The following CDK19 variants were observed in gnomAD, a reference collection of about 807,000 sequenced individuals.
CDK19 encodes the protein cyclin dependent kinase 19, also known as cyclin-dependent kinase 19.
A neutral mutation model predicts 68.3 loss-of-function variants in CDK19; 20 were observed. The observed-to-expected ratio is 0.29, with a 90% CI of 0.21 to 0.43. CDK19 has a LOEUF of 0.43. CDK19 is among the 20% of genes least tolerant of loss of function. CDK19 has a pLI of 1.00. For missense variants in CDK19, 339 were observed against 623.5 expected (o/e 0.54, Z 4.86); for synonymous variants, 221 against 222.8 (o/e 0.99, Z 0.07).
At chr6:110,811,869 C>T (rs911772982) in intron 1 of CDK19, among the ~76,000 whole-genome samples, 3 of 149,234 alleles carry the variant, frequency 2.0e-5, no homozygotes, top group African/African-American at 7.6e-5. Flanking sequence ...AAAAGAACAA[C>T]TTTTAAACCG....
chr6:110,699,053 CAA>C (rs564638902), intron 2 of CDK19, among the ~76,000 whole-genome samples: 18 of 108,750 alleles, frequency 1.7e-4, no homozygotes, highest in Admixed American at 4.3e-4. Flanking sequence ...GACCCTGTCT[CAA>C]AAAAAAAAAA....
At chr6:110,750,433 A>C (rs909825392) in intron 1 of CDK19, among the ~76,000 whole-genome samples, 11 of 152,164 alleles carry the variant, frequency 7.2e-5, no homozygotes, top group African/African-American at 2.7e-4. Flanking sequence ...CACCTGTGAT[A>C]GTCATTTTAA....
intron 4 of CDK19, among the ~76,000 whole-genome samples, chr6:110,662,062 C>T (rs1781651680): frequency 6.6e-6 from 1 of 152,094 alleles, no homozygotes; most frequent in Non-Finnish European, 1.5e-5. Flanking sequence ...CTCTGCCTCC[C>T]AGGTTCAAGC....
chr6:110,749,140 T>C (rs557243668), intron 1 of CDK19, among the ~76,000 whole-genome samples: 13 of 152,304 alleles, frequency 8.5e-5, no homozygotes, highest in African/African-American at 3.1e-4. Context: ...ACTAAATGCA[T>C]CCAGAAGAAT....
chr6:110,792,279 T>C (rs1265526244), intron 1 of CDK19, among the ~76,000 whole-genome samples: 1 of 152,120 alleles, frequency 6.6e-6, no homozygotes, highest in East Asian at 1.9e-4. Context: ...CTTTATTTAT[T>C]TTTTTAATTT....
intron 1 of CDK19, among the ~76,000 whole-genome samples, chr6:110,759,605 T>C (rs1181260494): frequency 1.3e-5 from 2 of 150,852 alleles, no homozygotes; most frequent in South Asian, 4.2e-4. Flanking sequence ...CTGGGCATTA[T>C]AGCAAAACCC....
chr6:110,803,266 A>G (rs1236482848), intron 1 of CDK19, among the ~76,000 whole-genome samples: 1 of 152,136 alleles, frequency 6.6e-6, no homozygotes, highest in Non-Finnish European at 1.5e-5. Context: ...TTTTTAGTAG[A>G]GACGGGGTTT....
chr6:110,686,489 C>T (rs1209877375), intron 2 of CDK19, among the ~76,000 whole-genome samples: 1 of 152,124 alleles, frequency 6.6e-6, no homozygotes, highest in Non-Finnish European at 1.5e-5. Flanking sequence ...GGCAGATTTC[C>T]ATCACTACAT....
chr6:110,651,850 G>C (rs1048544558), intron 4 of CDK19, among the ~76,000 whole-genome samples: 1 of 152,100 alleles, frequency 6.6e-6, no homozygotes, highest in Admixed American at 6.6e-5. Context: ...TTTAACTACA[G>C]TTTTAGTTTA....
At chr6:110,657,532 T>C (rs1781377987) in intron 4 of CDK19, among the ~76,000 whole-genome samples, 1 of 152,146 alleles carries the variant, frequency 6.6e-6, no homozygotes, top group South Asian at 2.1e-4. Context: ...TCCACCTCAA[T>C]AAAATTAATT....
At chr6:110,722,679 A>G (rs1272240022) in intron 2 of CDK19, among the ~76,000 whole-genome samples, 1 of 152,122 alleles carries the variant, frequency 6.6e-6, no homozygotes, top group Non-Finnish European at 1.5e-5. Flanking sequence ...AAGAATTCCT[A>G]GCCTAGGCAA....
At chr6:110,773,422 A>G (rs1780180918) in intron 1 of CDK19, among the ~76,000 whole-genome samples, 1 of 152,118 alleles carries the variant, frequency 6.6e-6, no homozygotes. Context: ...AATGGGACCT[A>G]TAGCATGAAT....
At chr6:110,758,141 T>C (rs1478009837) in intron 1 of CDK19, among the ~76,000 whole-genome samples, 1 of 152,084 alleles carries the variant, frequency 6.6e-6, no homozygotes, top group Non-Finnish European at 1.5e-5. Context: ...CAGTGAGTCA[T>C]GTTTGCGCTA....
intron 2 of CDK19, among the ~76,000 whole-genome samples, chr6:110,717,352 C>G (rs1433842127): frequency 6.6e-6 from 1 of 151,012 alleles, no homozygotes; most frequent in African/African-American, 2.4e-5. Flanking sequence ...TGGAATAAAG[C>G]AGACAATCAG....
chr6:110,734,364 C>G (rs1777014831), intron 2 of CDK19, among the ~76,000 whole-genome samples: 1 of 152,048 alleles, frequency 6.6e-6, no homozygotes, highest in Admixed American at 6.6e-5. Flanking sequence ...GAGGGTAACC[C>G]TAGTTGCAGC....
rs139851225 is a variant in CDK19 at position 110,686,253 on chromosome 6, T to C, written c.205-15712A>G. ...TAAGGAAAAATACAGAGTGCATATG[T>C]AGGAAACCTAACCTAGTCACGAAAG... On this transcript the variant is annotated intron_variant, in intron 2 of 12. Transcript: ENST00000368911. Among the ~76,000 whole-genome samples the C allele has an allele frequency of 3.5e-4, 54 of 152,294 alleles. No homozygotes were observed. In the East Asian group the frequency reaches 8.5e-3, roughly 24 times the overall value.
At chr6:110,704,889 G>T (rs567403121) in intron 2 of CDK19, among the ~76,000 whole-genome samples, 76 of 152,122 alleles carry the variant, frequency 5.0e-4, no homozygotes, top group African/African-American at 1.8e-3. Flanking sequence ...GAAAGGAGGG[G>T]TTAGATAAAA....
In CDK19 at chr6:110,746,017, C is replaced by G. The variant is rs924802039; in HGVS notation, c.204+109G>C. On this transcript the variant is annotated intron_variant, in intron 2 of 12. Coordinates refer to ENST00000368911, the MANE Select transcript of CDK19 (RefSeq NM_015076.5). Reference sequence around the variant, plus strand: ...TCTACATAAAATATTCTTAAACTAACATATGTAAAATAAACATTCATTATA... The same window carrying G: ...TCTACATAAAATATTCTTAAACTAAGATATGTAAAATAAACATTCATTATA... 4 of 496,164 alleles carry G rather than the reference C, an allele frequency of 8.1e-6. No homozygotes were observed. The South Asian group carries it at 1.2e-4, about 15-fold the overall frequency. 30.7% of individuals were successfully genotyped at this position (496,164 alleles called of 1,614,324 possible).
intron 2 of CDK19, among the ~76,000 whole-genome samples, chr6:110,729,381 A>G (rs1240116564): frequency 6.6e-6 from 1 of 152,158 alleles, no homozygotes; most frequent in Non-Finnish European, 1.5e-5. Flanking sequence ...ACACTAAGAT[A>G]AAGAACAGTG....
Sources: gnomAD v4.1 joint callset for allele counts (sites outside exome capture counted in the v4.1 genomes callset) on GRCh38, gnomAD v4.1.1 for gene constraint, MANE v1.5 for transcripts, NCBI Gene and HGNC (gene_info 2026-07-23, HGNC 2026-07-21) for gene names.